Variants in RTL4 observed in about 807,000 individuals in gnomAD.
RTL4 encodes the protein retrotransposon Gag like 4.
Under a neutral mutation model 5.3 loss-of-function variants are expected in RTL4, and 4 were observed. That is an observed-to-expected ratio of 0.75 (90% CI 0.37 to 1.72). The LOEUF is 1.72. Ranked by LOEUF, RTL4 falls within the 40% of genes most tolerant of loss-of-function variation. The probability of loss-of-function intolerance (pLI) is 0.04; values close to 1 mark genes in which losing one functional copy is unlikely to be tolerated. For synonymous variants in RTL4, 98 were observed against 87.3 expected (o/e 1.12, Z -0.68); for missense variants, 260 against 227.1 (o/e 1.14, Z -0.93).
chrX:112,154,938 T>C, the RTL4 span, among the ~76,000 whole-genome samples: 1 of 111,198 alleles, frequency 9.0e-6, no homozygotes, highest in Non-Finnish European at 1.9e-5. Context: ...TAGTGGGATT[T>C]AGACCCTTAT....
the RTL4 span, among the ~76,000 whole-genome samples, chrX:112,158,757 T>G: frequency 9.0e-6 from 1 of 111,730 alleles, no homozygotes; most frequent in East Asian, 2.8e-4. Context: ...TTTGCTATTA[T>G]AAATAATTAT....
chrX:112,356,264 G>A, the RTL4 span, among the ~76,000 whole-genome samples: 16 of 111,558 alleles, frequency 1.4e-4, no homozygotes, highest in African/African-American at 2.9e-4. Flanking sequence ...ATAGAAAGCC[G>A]TCTCCTTTAT....
chrX:112,100,035 T>C, the RTL4 span, among the ~76,000 whole-genome samples: 3 of 111,935 alleles, frequency 2.7e-5, no homozygotes, highest in South Asian at 3.7e-4. Flanking sequence ...TAAAATCAAC[T>C]CAATTTTGGG....
chrX:112,408,999 A>G, the RTL4 span, among the ~76,000 whole-genome samples: 2 of 112,674 alleles, frequency 1.8e-5, no homozygotes, highest in African/African-American at 6.5e-5. Context: ...CATCAACACC[A>G]GATATTACCT....
At chrX:112,360,919 G>A in the RTL4 span, among the ~76,000 whole-genome samples, 1 of 110,686 alleles carries the variant, frequency 9.0e-6, no homozygotes, top group Non-Finnish European at 1.9e-5. Flanking sequence ...ATGGCCTAGG[G>A]AGGCAGAGTA....
the RTL4 span, among the ~76,000 whole-genome samples, chrX:112,391,326 C>T: frequency 9.0e-6 from 1 of 111,258 alleles, no homozygotes; most frequent in Non-Finnish European, 1.9e-5. Flanking sequence ...TTCCAGCCAG[C>T]TCAGCCTGCT....
At chrX:112,337,249 A>T in the RTL4 span, among the ~76,000 whole-genome samples, 1 of 111,923 alleles carries the variant, frequency 8.9e-6, no homozygotes, top group Non-Finnish European at 1.9e-5. Flanking sequence ...TTTTTCATTT[A>T]CAGAATTGGA....
the RTL4 span, among the ~76,000 whole-genome samples, chrX:112,215,417 C>A: frequency 8.9e-6 from 1 of 111,839 alleles, no homozygotes; most frequent in Non-Finnish European, 1.9e-5. Flanking sequence ...AGTTCCTTTG[C>A]CCATTTTTCA....
chrX:112,109,756 C>A, the RTL4 span, among the ~76,000 whole-genome samples: 1 of 111,317 alleles, frequency 9.0e-6, no homozygotes, highest in Non-Finnish European at 1.9e-5. Context: ...CTCTCAATCC[C>A]CCCTCTAAAC....
At chrX:112,256,594 C>T in the RTL4 span, among the ~76,000 whole-genome samples, 3 of 111,520 alleles carry the variant, frequency 2.7e-5, no homozygotes, top group East Asian at 8.4e-4. Context: ...TATGGATTAA[C>T]GTGGAAGAAA....
At chrX:112,448,274 T>G in the RTL4 span, among the ~76,000 whole-genome samples, 1 of 112,308 alleles carries the variant, frequency 8.9e-6, no homozygotes, top group Non-Finnish European at 1.9e-5. Context: ...TGAAACAGCA[T>G]GTACTCTTTG....
the RTL4 span, among the ~76,000 whole-genome samples, chrX:112,362,089 G>A: frequency 8.9e-6 from 1 of 112,029 alleles, no homozygotes; most frequent in Non-Finnish European, 1.9e-5. Context: ...ATCCTTCTGA[G>A]AAGTTATTCA....
the RTL4 span, among the ~76,000 whole-genome samples, chrX:112,370,571 C>T: frequency 2.0e-4 from 22 of 111,511 alleles, no homozygotes; most frequent in Non-Finnish European, 4.0e-4. Context: ...ATGCAAGCTG[C>T]CACCTGTCAG....
the RTL4 span, among the ~76,000 whole-genome samples, chrX:112,125,544 T>C: frequency 1.8e-5 from 2 of 111,659 alleles, no homozygotes; most frequent in Admixed American, 9.5e-5. Context: ...TATGTCCTTA[T>C]GGGGAAGAGA....
chrX:112,329,675 C>G, the RTL4 span, among the ~76,000 whole-genome samples: 1 of 109,883 alleles, frequency 9.1e-6, no homozygotes, highest in African/African-American at 3.4e-5. Context: ...CAGCATCATC[C>G]TGATACCAAA....
chrX:112,322,849 C>T, the RTL4 span, among the ~76,000 whole-genome samples: 2 of 111,670 alleles, frequency 1.8e-5, no homozygotes, highest in Non-Finnish European at 1.9e-5. Flanking sequence ...GAAATATCTT[C>T]GGCCATCTAG....
the RTL4 span, among the ~76,000 whole-genome samples, chrX:112,289,532 G>C: frequency 1.8e-5 from 2 of 112,162 alleles, no homozygotes; most frequent in Admixed American, 1.9e-4. Flanking sequence ...AGACCATTTT[G>C]TTTTGTATGA....
At chrX:112,407,210 G>A in the RTL4 span, among the ~76,000 whole-genome samples, 3 of 111,083 alleles carry the variant, frequency 2.7e-5, no homozygotes, top group Non-Finnish European at 5.7e-5. Context: ...TGGGGTCCCC[G>A]ATTCCAGGAC....
chrX:112,310,369 C>CATATATATATATAT, the RTL4 span, among the ~76,000 whole-genome samples: 1 of 4,351 alleles, frequency 2.3e-4, no homozygotes, highest in Non-Finnish European at 4.4e-4. Flanking sequence ...CACCTTTATA[C>CATATATATATATAT]ATATATATAT....
Sources: gnomAD v4.1 joint callset for allele counts (sites outside exome capture counted in the v4.1 genomes callset) on GRCh38, gnomAD v4.1.1 for gene constraint, MANE v1.5 for transcripts, NCBI Gene and HGNC (gene_info 2026-07-23, HGNC 2026-07-21) for gene names.